The following FGF12 variants were observed in gnomAD, a reference collection of about 807,000 sequenced individuals.
FGF12 encodes fibroblast growth factor 12, also known as fibroblast growth factor 12B.
FGF12 carries 14 observed loss-of-function variants against 23.6 expected under a neutral mutation model. The observed-to-expected ratio is 0.59, with a 90% CI of 0.39 to 0.93. The LOEUF (loss-of-function observed/expected upper bound fraction) is 0.93, where lower values mean the gene tolerates loss of function less well. FGF12 is among the 40% of genes least tolerant of loss of function. The pLI, the probability that FGF12 is intolerant of heterozygous loss-of-function variation, is 0.00. For synonymous variants in FGF12, 62 were observed against 77.3 expected (o/e 0.80, Z 1.04); for missense variants, 175 against 217.8 (o/e 0.80, Z 1.24).
intron 2 of FGF12, among the ~76,000 whole-genome samples, chr3:192,592,824 C>A (rs1363266199): frequency 6.6e-6 from 1 of 151,858 alleles, no homozygotes; most frequent in Non-Finnish European, 1.5e-5. Context: ...CGACTCATAG[C>A]TCCTCTAGTG....
At chr3:192,267,886 A>T (rs1713179024) in intron 4 of FGF12, among the ~76,000 whole-genome samples, 2 of 152,180 alleles carry the variant, frequency 1.3e-5, no homozygotes, top group African/African-American at 4.8e-5. Context: ...ATTTCTAACA[A>T]CGCACCTTTA....
chr3:192,720,954 C>A (rs1260869694), intron 2 of FGF12, among the ~76,000 whole-genome samples: 1 of 152,116 alleles, frequency 6.6e-6, no homozygotes, highest in Non-Finnish European at 1.5e-5. Flanking sequence ...TGTTTTAAAC[C>A]CATCCAAGGT....
rs376976770 is a variant in FGF12, at chr3:192,246,826, A to C, written c.229-76170T>G. On this transcript the variant is annotated intron_variant, in intron 4 of 5. Coordinates refer to ENST00000445105, the MANE Select transcript of FGF12 (RefSeq NM_004113.6). ...GGTGACAAGAGTGAAACTCCGTCAAAAAAAAAAAAAAAGGAGAGAGAGAGA... is the reference window on the plus strand; with the variant it reads ...GGTGACAAGAGTGAAACTCCGTCAACAAAAAAAAAAAAGGAGAGAGAGAGA... Among the ~76,000 whole-genome samples, 89 of 148,210 alleles carry C rather than the reference A, an allele frequency of 6.0e-4. 1 individual carries two copies. The highest frequency in any genetic ancestry group is 2.1e-3 in the Admixed American group (31 of 14,806).
intron 5 of FGF12, among the ~76,000 whole-genome samples, chr3:192,158,618 CTTT>C (rs1359031489): frequency 1.8e-5 from 2 of 109,848 alleles, no homozygotes; most frequent in Admixed American, 1.1e-4. Context: ...CTTCTTCCTT[CTTT>C]CTTTCTCTCT....
At chr3:192,167,456 A>G (rs1471918419) in intron 5 of FGF12, among the ~76,000 whole-genome samples, 1 of 151,894 alleles carries the variant, frequency 6.6e-6, no homozygotes, top group Non-Finnish European at 1.5e-5. Context: ...ACACTGGGAG[A>G]GAGGTAGTAA....
chr3:192,696,677 G>A (rs939492803), intron 2 of FGF12, among the ~76,000 whole-genome samples: 5 of 151,942 alleles, frequency 3.3e-5, no homozygotes, highest in Admixed American at 2.6e-4. Flanking sequence ...TTTCCTTACC[G>A]TAATCAGAAG....
intron 2 of FGF12, among the ~76,000 whole-genome samples, chr3:192,634,171 T>C (rs1170112566): frequency 1.3e-5 from 2 of 152,196 alleles, no homozygotes; most frequent in Admixed American, 6.5e-5. Context: ...CATCTTTTTC[T>C]TCCTGTATAC....
intron 4 of FGF12, among the ~76,000 whole-genome samples, chr3:192,207,166 A>T (rs1717696414): frequency 6.6e-6 from 1 of 152,206 alleles, no homozygotes; most frequent in Admixed American, 6.5e-5. Flanking sequence ...GTGAAACGAA[A>T]ATAATACTTC....
At chr3:192,696,161 T>A (rs1388788292) in intron 2 of FGF12, among the ~76,000 whole-genome samples, 1 of 149,766 alleles carries the variant, frequency 6.7e-6, no homozygotes, top group Non-Finnish European at 1.5e-5. Context: ...AGCTTTTTTT[T>A]TTTTTTTAAT....
At chr3:192,438,627 C>G (rs1445206038) in intron 2 of FGF12, among the ~76,000 whole-genome samples, 12 of 152,164 alleles carry the variant, frequency 7.9e-5, no homozygotes, top group Non-Finnish European at 1.6e-4. Context: ...GGAAGGGTAC[C>G]CAGACAGGAG....
In FGF12 at chr3:192,408,100, C is replaced by T. The variant is rs764199433; in HGVS notation, c.14-47562G>A. ...CTGAACACCCCGAGGACGTGCCTCT[C>T]GCACAGGGAGCGCCCGTCTTTGCTG... On this transcript the variant is annotated intron_variant, in intron 2 of 5. Coordinates refer to ENST00000445105, the MANE Select transcript of FGF12 (RefSeq NM_004113.6). This position sits in a 1 kb window ranked among gnomAD's most constrained non-coding sequence, Gnocchi z 7.3. The T allele has an allele frequency of 5.0e-6, 8 of 1,613,042 alleles. No homozygotes were observed. The highest frequency in any genetic ancestry group is 6.8e-6 in the Non-Finnish European group (8 of 1,180,018).
chr3:192,633,646 G>C (rs1309149907), intron 2 of FGF12, among the ~76,000 whole-genome samples: 1 of 152,080 alleles, frequency 6.6e-6, no homozygotes, highest in Non-Finnish European at 1.5e-5. Flanking sequence ...TGTAGCACTG[G>C]AGTCATTCCG....
intron 2 of FGF12, among the ~76,000 whole-genome samples, chr3:192,691,345 C>T (rs567833159): frequency 6.6e-6 from 1 of 151,912 alleles, no homozygotes; most frequent in African/African-American, 2.4e-5. Flanking sequence ...TCTTTTCCAA[C>T]CACAATGGTA....
In FGF12 at chr3:192,261,078, G is replaced by T. The variant is rs1017390346; in HGVS notation, c.228+74283C>A. ...CAAAGAGACCGGCCACACACCACAG[G>T]GTACGCAGGGGCTGAGGAAGGAGCC... On this transcript the variant is annotated intron_variant, in intron 4 of 5. Coordinates refer to ENST00000445105, the MANE Select transcript of FGF12 (RefSeq NM_004113.6). Among the ~76,000 whole-genome samples, 12 of 152,150 alleles carry T rather than the reference G, an allele frequency of 7.9e-5. 2 individuals carry two copies. The highest frequency in any genetic ancestry group is 4.2e-4 in the South Asian group (2 of 4,804).
intron 2 of FGF12, among the ~76,000 whole-genome samples, chr3:192,370,914 TA>T (rs1719197551): frequency 6.6e-6 from 1 of 152,192 alleles, no homozygotes; most frequent in African/African-American, 2.4e-5. Context: ...GAGCACTATT[TA>T]AATGTAGAAT....
rs146755881 is a variant in FGF12, at chr3:192,336,244, G to A, written c.125-780C>T. ...ACCATTAAGAATTAATTTGACAAAAGTAATTCAACATCCTAAGATGAAATG... is the reference window on the plus strand; with the variant it reads ...ACCATTAAGAATTAATTTGACAAAAATAATTCAACATCCTAAGATGAAATG... On this transcript the variant is annotated intron_variant, in intron 3 of 5. Transcript: ENST00000445105. The surrounding 1 kb of genome is among the most constrained non-coding windows in gnomAD (Gnocchi z 4.3). Among the ~76,000 whole-genome samples, 8 of 151,140 alleles carry A rather than the reference G, an allele frequency of 5.3e-5. No homozygotes were observed. Among genetic ancestry groups the A allele is most frequent in the African/African-American group, 1.9e-4 (8 of 41,126 alleles).
At chr3:192,670,099 G>A (rs920616567) in intron 2 of FGF12, among the ~76,000 whole-genome samples, 8 of 152,176 alleles carry the variant, frequency 5.3e-5, no homozygotes, top group African/African-American at 1.7e-4. Flanking sequence ...ATACGAGGCT[G>A]GATTTTTTAG....
chr3:192,337,627 T>A (rs2108703742), intron 3 of FGF12, among the ~76,000 whole-genome samples: 1 of 152,330 alleles, frequency 6.6e-6, no homozygotes, highest in African/African-American at 2.4e-5. Flanking sequence ...GTCACTTGGC[T>A]TTGAGCTATT....
rs141116643 is a variant in FGF12, at chr3:192,191,573, C to T, written c.229-20917G>A. 1.1e-4 allele frequency among the ~76,000 whole-genome samples: 16 copies of T among 152,270 alleles called. No homozygotes were observed. The East Asian group carries it at 2.1e-3, about 20-fold the overall frequency. On this transcript the variant is annotated intron_variant, in intron 4 of 5. Transcript: ENST00000445105. ...CTTTAAGGCCAGGCACAGTGGCTCA[C>T]GCCTATAATCCCAGCACTTTGGGAG...
Sources: allele counts gnomAD v4.1 joint callset (sites outside exome capture counted in the v4.1 genomes callset), GRCh38; gene constraint gnomAD v4.1.1; non-coding constraint Gnocchi (gnomAD v3.1); transcripts MANE v1.5; gene names NCBI Gene and HGNC (gene_info 2026-07-23, HGNC 2026-07-21).